The following MYOM3 variants were observed in gnomAD, a reference collection of about 807,000 sequenced individuals.
MYOM3 encodes the protein myomesin-3.
Under a neutral mutation model 191.7 loss-of-function variants are expected in MYOM3, and 155 were observed. That is an observed-to-expected ratio of 0.81 (90% CI 0.71 to 0.92). The LOEUF is 0.92. Among genes scored for constraint, MYOM3 ranks in the 40% least tolerant of loss-of-function variants. The pLI is 0.00. For synonymous variants in MYOM3, 757 were observed against 762.9 expected (o/e 0.99, Z 0.13); for missense variants, 1,889 against 1,890.6 (o/e 1.00, Z 0.02).
chr1:24,078,493 T>C (rs1342828133), intron 20 of MYOM3, among the ~76,000 whole-genome samples: 2 of 152,168 alleles, frequency 1.3e-5, no homozygotes, highest in Non-Finnish European at 2.9e-5. Context: ...TTTGTTAGTA[T>C]CTTATTCTTT....
In MYOM3 at chr1:24,109,471, C is replaced by T. The variant is rs148334862; in HGVS notation, c.-18-817G>A. Among the ~76,000 whole-genome samples the T allele has an allele frequency of 5.9e-5, 9 of 152,312 alleles. No individual in the cohort carries two copies. The East Asian group carries it at 1.7e-3, about 29-fold the overall frequency. On this transcript the variant is annotated intron_variant, in intron 1 of 36. Coordinates refer to ENST00000374434, the MANE Select transcript of MYOM3 (RefSeq NM_152372.4). Reference sequence around the variant, plus strand: ...CTACAGGCCACCTAGAATTTTCCCTCTTCTCATTTCTTTTGTACTTATTTT... The same window carrying T: ...CTACAGGCCACCTAGAATTTTCCCTTTTCTCATTTCTTTTGTACTTATTTT...
intron 32 of MYOM3, among the ~76,000 whole-genome samples, chr1:24,062,710 C>CA (rs1418980305): frequency 7.2e-5 from 11 of 152,072 alleles, no homozygotes; most frequent in African/African-American, 2.7e-4. Flanking sequence ...CCTGGCTGAC[C>CA]AAGTTTGCTA....
At chr1:24,105,898 C>T (rs745706656) in intron 5 of MYOM3, 22 bp downstream of exon 5, 3 of 1,584,996 alleles carry the variant, frequency 1.9e-6, no homozygotes, top group Admixed American at 3.5e-5. Context: ...GCCCAGAACC[C>T]CTTCCTGCCC....
At chr1:24,083,987 A>C in intron 16 of MYOM3, 1 of 170,600 alleles carries the variant, frequency 5.9e-6, no homozygotes, top group Non-Finnish European at 1.3e-5. Context: ...GGCGCAGGGT[A>C]AATATTGTGA....
Position 24,076,253 on chromosome 1 carries a change from T to C in MYOM3, c.2607A>G (p.Gly869=). The stretch of plus-strand genomic sequence containing the variant: ...CCTGTACCTGGAACACGTAACTCTT[T>C]CCTGGCTGCAAGTCGGAAACCTGGG... ...THLRVSDLQP[G]KSYVFQVQAM... The change falls in exon 21 of 37, where the codon GGA becomes GGG. Residue 869 remains glycine, a synonymous_variant. Coordinates refer to ENST00000374434, the MANE Select transcript of MYOM3 (RefSeq NM_152372.4). 6 of 1,614,122 alleles carry C rather than the reference T, an allele frequency of 3.7e-6. No individual in the cohort carries two copies. Among genetic ancestry groups the C allele is most frequent in the Non-Finnish European group, 5.1e-6 (6 of 1,179,988 alleles).
chr1:24,061,252 A>G, intron 34 of MYOM3, 21 bp downstream of exon 34: 1 of 1,613,960 alleles, frequency 6.2e-7, no homozygotes, highest in Non-Finnish European at 8.5e-7. Context: ...ATTCACACTG[A>G]GAAATGTAGA....
chr1:24,067,325 C>CCTTCT (rs1643453644), intron 27 of MYOM3, among the ~76,000 whole-genome samples: 2 of 58,864 alleles, frequency 3.4e-5, no homozygotes, highest in African/African-American at 6.3e-5. Flanking sequence ...TCTTTCTTTC[C>CCTTCT]TTCTTTCTTT....
At chr1:24,061,246 A>G (rs1370220866) in intron 34 of MYOM3, 27 bp downstream of exon 34, 1 of 1,613,924 alleles carries the variant, frequency 6.2e-7, no homozygotes, top group South Asian at 1.1e-5. Context: ...CCTATAATTC[A>G]CACTGAGAAA....
Position 24,082,095 on chromosome 1 carries a change from C to T in MYOM3, c.2186G>A (p.Gly729Asp), listed in dbSNP as rs756436956. ...GTCCAGGAAGTAGCCCAGGATCTTGCCACCTCCACGACGCTTGGGGGGTTT... is the reference window on the plus strand; with the variant it reads ...GTCCAGGAAGTAGCCCAGGATCTTGTCACCTCCACGACGCTTGGGGGGTTT... ...GWKPPKRRGG[G>D]KILGYFLDQH... Residue 729 changes from glycine to aspartate, a missense_variant, in exon 18 of 37, where the codon GGC (glycine) becomes GAC (aspartate). Coordinates refer to ENST00000374434, the MANE Select transcript of MYOM3 (RefSeq NM_152372.4). 1 of 1,612,800 alleles carries T rather than the reference C, an allele frequency of 6.2e-7. No individual in the cohort carries two copies. Among genetic ancestry groups the T allele is most frequent in the East Asian group, 2.2e-5 (1 of 44,804 alleles).
At position 24,089,140 on chromosome 1, in the gene MYOM3, G is replaced by C. The variant is rs549189501; in HGVS notation, c.1614+398C>G. On this transcript the variant is annotated intron_variant, in intron 14 of 36. Coordinates refer to ENST00000374434, the MANE Select transcript of MYOM3 (RefSeq NM_152372.4). The stretch of plus-strand genomic sequence containing the variant: ...GGCTCTGCAAGTGCTGCTGGTGCCT[G>C]TCCCTGGCTGGAGGGTACCAGCCTT... Among the ~76,000 whole-genome samples the C allele has an allele frequency of 2.0e-5, 3 of 152,276 alleles. No individual in the cohort carries two copies. The South Asian group carries it at 6.2e-4, about 32-fold the overall frequency.
intron 32 of MYOM3, among the ~76,000 whole-genome samples, 184 bp downstream of exon 32, chr1:24,062,942 T>A (rs1643387973): frequency 6.6e-6 from 1 of 152,112 alleles, no homozygotes; most frequent in Admixed American, 6.5e-5. Context: ...TATCCTCAAC[T>A]CCTTCTGTGG....
chr1:24,083,004 C>T (rs550324421), intron 16 of MYOM3: 7 of 258,230 alleles, frequency 2.7e-5, no homozygotes, highest in African/African-American at 1.6e-4. Context: ...CAACCCCAAA[C>T]CCAGCGCCAC....
At chr1:24,105,789 C>T in intron 5 of MYOM3, 131 bp downstream of exon 5, 1 of 932,162 alleles carries the variant, frequency 1.1e-6, no homozygotes, top group Non-Finnish European at 1.6e-6. Context: ...CCAGCAGCTG[C>T]TCTATTCGGT....
At chr1:24,076,098 T>C (rs914218742) in intron 21 of MYOM3, 61 bp downstream of exon 21, 1 of 1,366,470 alleles carries the variant, frequency 7.3e-7, no homozygotes, top group Non-Finnish European at 1.0e-6. Flanking sequence ...TCCCTTGAAC[T>C]CCACCCGTCC....
At chr1:24,101,114 G>A (rs1643908601) in intron 5 of MYOM3, among the ~76,000 whole-genome samples, 1 of 152,114 alleles carries the variant, frequency 6.6e-6, no homozygotes. Flanking sequence ...TCATGTGGCT[G>A]CTCCTGATGA....
intron 19 of MYOM3, among the ~76,000 whole-genome samples, chr1:24,080,644 C>T (rs4649178): frequency 0.41 from 61,588 of 151,938 alleles, 12,777 homozygotes; most frequent in East Asian, 0.43. Flanking sequence ...ATAATAATAG[C>T]TCTTATAATA....
At chr1:24,100,407 G>A (rs1229171270) in intron 5 of MYOM3, among the ~76,000 whole-genome samples, 1 of 152,148 alleles carries the variant, frequency 6.6e-6, no homozygotes, top group Non-Finnish European at 1.5e-5. Flanking sequence ...GTAATTAAGG[G>A]CAGCTGCCCC....
chr1:24,090,195 T>G (rs1303404909), intron 12 of MYOM3, 77 bp from the exon 13 acceptor site: 11 of 1,204,170 alleles, frequency 9.1e-6, no homozygotes, highest in Non-Finnish European at 1.2e-6. Flanking sequence ...CACACCAGGG[T>G]CTGCGTCCTG....
At chr1:24,092,451 A>ATAT (rs1238541061) in intron 10 of MYOM3, 136 bp from the exon 11 acceptor site, 1 of 690,234 alleles carries the variant, frequency 1.4e-6, no homozygotes, top group African/African-American at 1.9e-5. Context: ...TGGGGCCTGA[A>ATAT]TATTAGTCCC....
Sources: allele counts gnomAD v4.1 joint callset (sites outside exome capture counted in the v4.1 genomes callset), GRCh38; gene constraint gnomAD v4.1.1; transcripts MANE v1.5; gene names NCBI Gene and HGNC (gene_info 2026-07-23, HGNC 2026-07-21).